Variants in DAAM1 observed in about 807,000 individuals in gnomAD.
DAAM1 encodes the protein disheveled-associated activator of morphogenesis 1.
In DAAM1, 52 loss-of-function variants were observed where a neutral mutation model predicts 130.0. The ratio of observed to expected loss-of-function variants is 0.40; its 90% confidence interval spans 0.32 to 0.50. The LOEUF (loss-of-function observed/expected upper bound fraction) is 0.50, where lower values mean the gene tolerates loss of function less well. Ranked by LOEUF, DAAM1 falls within the 20% of genes least tolerant of loss-of-function variation. DAAM1 has a pLI of 0.61. For missense variants in DAAM1, 1,134 were observed against 1,303.8 expected, an observed-to-expected ratio of 0.87 and a Z score of 2.01; for synonymous variants, 452 against 444.5, an observed-to-expected ratio of 1.02 and a Z score of -0.21.
chr14:59,205,700 C>CT (rs1484281126), intron 1 of DAAM1, among the ~76,000 whole-genome samples: 1 of 152,144 alleles, frequency 6.6e-6, no homozygotes, highest in Non-Finnish European at 1.5e-5. Context: ...TTGGAATATT[C>CT]TGTTTTTAAA....
chr14:59,294,642 G>T (rs949042462), intron 3 of DAAM1, among the ~76,000 whole-genome samples: 1 of 151,728 alleles, frequency 6.6e-6, no homozygotes, highest in East Asian at 1.9e-4. Flanking sequence ...AATAGGAAAT[G>T]TTTGTGGTTC....
chr14:59,209,555 T>C (rs1888366340), intron 1 of DAAM1, among the ~76,000 whole-genome samples: 2 of 152,196 alleles, frequency 1.3e-5, no homozygotes, highest in Non-Finnish European at 1.5e-5. Flanking sequence ...CTATTTTTCA[T>C]TTTCAATATA....
intron 18 of DAAM1, among the ~76,000 whole-genome samples, chr14:59,353,395 G>A (rs2139671349): frequency 6.6e-6 from 1 of 152,364 alleles, no homozygotes; most frequent in Middle Eastern, 3.4e-3. Context: ...AATGTGGGAA[G>A]CGGATGTTGG....
In DAAM1 at chr14:59,353,907, C is replaced by T. The variant is rs755093755; in HGVS notation, c.2299C>T (p.Leu767=). The change falls in exon 19 of 25, where the codon CTG becomes TTG. Residue 767 remains leucine (L), a synonymous_variant. Coordinates refer to ENST00000360909, the MANE Select transcript of DAAM1 (RefSeq NM_001270520.2). ...TCACTATCAGCAAAGGTTGCAATCGCTGTACTTCAAAAAGAAGTTTGCAGA... is the reference window on the plus strand; with the variant it reads ...TCACTATCAGCAAAGGTTGCAATCGTTGTACTTCAAAAAGAAGTTTGCAGA... ...INHYQQRLQS[L]YFKKKFAERV... The T allele has an allele frequency of 6.2e-7, 1 of 1,614,058 alleles. No homozygotes were observed. Among genetic ancestry groups the T allele is most frequent in the Non-Finnish European group, 8.5e-7 (1 of 1,179,982 alleles).
rs771494153 is a variant in DAAM1, at chr14:59,357,078, T to C, written c.2525+1745T>C. ...GTTACTGGTAATGAGCAGGGAAGAA[T>C]CAAATGTGTGGCTGTTGCTGTTCCT... On this transcript the variant is annotated intron_variant, in intron 20 of 24. Transcript: ENST00000360909. 2.4e-4 allele frequency among the ~76,000 whole-genome samples: 36 copies of C among 152,366 alleles called. 1 individual carries two copies. Among genetic ancestry groups the C allele is most frequent in the South Asian group, 6.2e-4 (3 of 4,832 alleles).
At chr14:59,343,672 C>T (rs1369575900) in intron 16 of DAAM1, among the ~76,000 whole-genome samples, 3 of 152,194 alleles carry the variant, frequency 2.0e-5, no homozygotes, top group Non-Finnish European at 4.4e-5. Flanking sequence ...TTACAAATGT[C>T]AGTGGACCTT....
intron 15 of DAAM1, among the ~76,000 whole-genome samples, chr14:59,336,605 T>C (rs1216347426): frequency 6.6e-6 from 1 of 152,192 alleles, no homozygotes; most frequent in African/African-American, 2.4e-5. Context: ...AGGGTAATAA[T>C]TGAAGAAACT....
At chr14:59,320,112 G>A (rs78844374) in intron 4 of DAAM1, among the ~76,000 whole-genome samples, 267 of 152,280 alleles carry the variant, frequency 1.8e-3, no homozygotes, top group African/African-American at 6.1e-3. Context: ...TTTTGGCTGA[G>A]GAATAGGAAT....
At chr14:59,296,474 A>G (rs2139574394) in intron 3 of DAAM1, among the ~76,000 whole-genome samples, 1 of 152,310 alleles carries the variant, frequency 6.6e-6, no homozygotes, top group African/African-American at 2.4e-5. Flanking sequence ...CTGAGGATTA[A>G]AAAAATAAGC....
At chr14:59,247,288 G>A (rs1468020060) in intron 1 of DAAM1, among the ~76,000 whole-genome samples, 1 of 152,050 alleles carries the variant, frequency 6.6e-6, no homozygotes. Flanking sequence ...TTTGATTACT[G>A]TACTTTTGTA....
At chr14:59,254,527 T>G (rs1881784985) in intron 1 of DAAM1, among the ~76,000 whole-genome samples, 2 of 152,164 alleles carry the variant, frequency 1.3e-5, no homozygotes, top group African/African-American at 2.4e-5. Flanking sequence ...TCTTTTGACT[T>G]CAGCTTACAT....
intron 3 of DAAM1, among the ~76,000 whole-genome samples, chr14:59,314,218 G>A (rs1464150190): frequency 6.6e-6 from 1 of 152,202 alleles, no homozygotes; most frequent in East Asian, 1.9e-4. Flanking sequence ...TTAAAACCTA[G>A]TAGGTAGTCA....
intron 3 of DAAM1, among the ~76,000 whole-genome samples, chr14:59,305,864 C>T (rs78813832): frequency 1.6e-3 from 247 of 152,262 alleles, no homozygotes; most frequent in Non-Finnish European, 3.0e-3. Context: ...TCATTCAGGC[C>T]ATTCAGAAAC....
chr14:59,242,801 GC>G (rs1881189191), intron 1 of DAAM1, among the ~76,000 whole-genome samples: 1 of 152,114 alleles, frequency 6.6e-6, no homozygotes, highest in African/African-American at 2.4e-5. Context: ...CTCGTGATCT[GC>G]CTCGGCCTCC....
At chr14:59,313,903 A>G (rs1422746901) in intron 3 of DAAM1, among the ~76,000 whole-genome samples, 1 of 152,204 alleles carries the variant, frequency 6.6e-6, no homozygotes, top group East Asian at 1.9e-4. Context: ...AGTCCCCATC[A>G]TCTGGCTTCT....
At chr14:59,198,996 T>C (rs1152565) in intron 1 of DAAM1, among the ~76,000 whole-genome samples, 2,319 of 152,346 alleles carry the variant, frequency 0.015, 19 homozygotes, top group South Asian at 0.029. Flanking sequence ...TATGTGGCAC[T>C]GTGTACTCAT....
At chr14:59,306,981 G>A (rs1398794149) in intron 3 of DAAM1, among the ~76,000 whole-genome samples, 1 of 152,200 alleles carries the variant, frequency 6.6e-6, no homozygotes, top group Non-Finnish European at 1.5e-5. Context: ...TAATTTAGAT[G>A]CGAGGAGTCT....
Position 59,326,037 on chromosome 14 carries a change from G to T in DAAM1, c.1134G>T (p.Pro378=). The T allele has an allele frequency of 6.2e-7, 1 of 1,614,184 alleles. No individual in the cohort carries two copies. The highest frequency in any genetic ancestry group is 8.5e-7 in the Non-Finnish European group (1 of 1,180,024). ...GGCTGACACATAGTGAAGCTTACCC[G>T]CATTTCATGTCCATCCTGCACCACT... ...RKRLTHSEAY[P]HFMSILHHCL... The change falls in exon 10 of 25, where the codon CCG becomes CCT. Residue 378 remains proline (P), a synonymous_variant. Coordinates refer to ENST00000360909, the MANE Select transcript of DAAM1 (RefSeq NM_001270520.2).
intron 15 of DAAM1, among the ~76,000 whole-genome samples, chr14:59,339,652 A>G (rs1885768593): frequency 6.6e-6 from 1 of 152,074 alleles, no homozygotes; most frequent in Admixed American, 6.6e-5. Context: ...CACAATGCAG[A>G]TGGTTCTGGG....
Sources: allele counts gnomAD v4.1 joint callset (sites outside exome capture counted in the v4.1 genomes callset), GRCh38; gene constraint gnomAD v4.1.1; transcripts MANE v1.5; gene names NCBI Gene and HGNC (gene_info 2026-07-23, HGNC 2026-07-21).